Variants in PVR observed in about 807,000 individuals in gnomAD.
PVR encodes poliovirus receptor.
A neutral mutation model predicts 43.3 loss-of-function variants in PVR; 39 were observed. The ratio of observed to expected loss-of-function variants is 0.90; its 90% CI spans 0.70 to 1.18. The LOEUF (loss-of-function observed/expected upper bound fraction) is 1.18. Among genes scored for constraint, PVR ranks in the 50% most tolerant of loss-of-function variants. The pLI is 0.00. For missense variants in PVR, 480 were observed against 549.7 expected (o/e 0.87, Z 1.27); for synonymous variants, 224 against 233.2 (o/e 0.96, Z 0.36).
intron 1 of PVR, among the ~76,000 whole-genome samples, chr19:44,645,118 A>AAT (rs1183770287): frequency 2.4e-5 from 2 of 82,484 alleles, no homozygotes; most frequent in Non-Finnish European, 4.1e-5. Context: ...AGTAATATAT[A>AAT]ATATATTATA....
At chr19:44,653,851 G>C (rs1253956019) in intron 3 of PVR, 49 bp from the exon 4 acceptor site, 1 of 1,307,930 alleles carries the variant, frequency 7.6e-7, no homozygotes. Flanking sequence ...GTAGCCCCAG[G>C]CCCCCCAAAG....
At chr19:44,654,415 C>G (rs1397628614) in intron 4 of PVR, among the ~76,000 whole-genome samples, 1 of 152,230 alleles carries the variant, frequency 6.6e-6, no homozygotes, top group Non-Finnish European at 1.5e-5. Flanking sequence ...ACTTCGGGCC[C>G]CCAGTGGGGG....
chr19:44,645,027 GTAATATA>G (rs1420331936), intron 1 of PVR, among the ~76,000 whole-genome samples: 1 of 101,636 alleles, frequency 9.8e-6, no homozygotes, highest in Non-Finnish European at 1.8e-5. Context: ...ATATATTATA[GTAATATA>G]TAATATATAA....
intron 1 of PVR, 105 bp from the exon 2 acceptor site, chr19:44,647,114 CAGGG>C: frequency 4.2e-6 from 3 of 708,752 alleles, no homozygotes; most frequent in Non-Finnish European, 6.7e-6. Flanking sequence ...ACCGGGGATC[CAGGG>C]CCCCAGCGTG....
chr19:44,647,085 C>CCCCCACA (rs1973139384), intron 1 of PVR, 138 bp from the exon 2 acceptor site: 1 of 394,974 alleles, frequency 2.5e-6, no homozygotes, highest in Admixed American at 4.2e-5. Context: ...GTTCCCCCTC[C>CCCCCACA]CCCCACACCC....
chr19:44,645,415 GTATATATATA>G (rs71171276), intron 1 of PVR, among the ~76,000 whole-genome samples: 44 of 83,814 alleles, frequency 5.2e-4, no homozygotes, highest in African/African-American at 1.6e-3. Context: ...TATGTTTTGT[GTATATATATA>G]TATATATATA....
At chr19:44,651,520 C>T (rs777548742) in intron 3 of PVR, among the ~76,000 whole-genome samples, 2 of 152,172 alleles carry the variant, frequency 1.3e-5, no homozygotes, top group Non-Finnish European at 2.9e-5. Flanking sequence ...ATTGTTTGTG[C>T]TGGCTCCCCT....
At chr19:44,650,630 T>A (rs1007646399) in intron 3 of PVR, among the ~76,000 whole-genome samples, 1 of 150,484 alleles carries the variant, frequency 6.6e-6, no homozygotes, top group Non-Finnish European at 1.5e-5. Context: ...TGGCATGTTC[T>A]CGGCTCACTG....
chr19:44,660,453 T>A (rs1973562961), intron 6 of PVR, among the ~76,000 whole-genome samples: 1 of 152,184 alleles, frequency 6.6e-6, no homozygotes, highest in South Asian at 2.1e-4. Flanking sequence ...GCTATGATTG[T>A]TATTGCTATT....
Position 44,664,054 on chromosome 19 carries a change from A to G in PVR, c.*2243A>G, listed in dbSNP as rs1242561582. The G allele has an allele frequency of 3.9e-5, 6 of 152,164 alleles. No individual in the cohort carries two copies. The highest frequency in any genetic ancestry group is 8.8e-5 in the Non-Finnish European group (6 of 68,034). The allele number at this position is 152,164 out of a possible 1,614,324, so 9.4% of individuals were successfully genotyped here. ...TGCACATGGATATCCAGTTTTACACAACACTGTGAATGTAATGAATGCCAC... is the reference window on the plus strand; with the variant it reads ...TGCACATGGATATCCAGTTTTACACGACACTGTGAATGTAATGAATGCCAC... On this transcript the variant is annotated 3_prime_UTR_variant, in exon 8 of 8. Coordinates refer to ENST00000425690, the MANE Select transcript of PVR (RefSeq NM_006505.5).
chr19:44,657,627 T>C, intron 4 of PVR, 135 bp from the exon 5 acceptor site: 1 of 778,924 alleles, frequency 1.3e-6, no homozygotes, highest in Non-Finnish European at 2.0e-6. Context: ...AAGGGAAGAG[T>C]TGGGGGGCCT....
At chr19:44,658,720 T>C in intron 5 of PVR, 22 bp from the exon 6 acceptor site, 1 of 1,578,090 alleles carries the variant, frequency 6.3e-7, no homozygotes, top group Non-Finnish European at 8.7e-7. Flanking sequence ...CTTACCTAAA[T>C]ACCTGTTTCC....
chr19:44,645,224 T>A (rs1973070447), intron 1 of PVR, among the ~76,000 whole-genome samples: 1 of 89,228 alleles, frequency 1.1e-5, no homozygotes, highest in Non-Finnish European at 2.0e-5. Context: ...TTATATATAT[T>A]ATTATAATAT....
Position 44,647,219 on chromosome 19 carries a change from G to A in PVR, c.80-4G>A. 2 of 1,532,710 alleles carry A rather than the reference G, an allele frequency of 1.3e-6. No individual in the cohort carries two copies. Among genetic ancestry groups the A allele is most frequent in the Non-Finnish European group, 1.8e-6 (2 of 1,135,262 alleles). The allele number at this position is 1,532,710 out of a possible 1,614,324, so 94.9% of individuals were successfully genotyped here. A position where few individuals can be genotyped will look rare whatever the true frequency, so the allele number is the denominator to read the frequency against. The stretch of plus-strand genomic sequence containing the variant: ...TCTGACACCTTCTCTTCGGTTCTCC[G>A]CAGGGGACGTCGTCGTGCAGGCGCC... On this transcript the variant is annotated splice_polypyrimidine_tract_variant and splice_region_variant and intron_variant, in intron 1 of 7. Transcript: ENST00000425690.
At chr19:44,657,398 A>G (rs1251180909) in intron 4 of PVR, among the ~76,000 whole-genome samples, 2 of 152,090 alleles carry the variant, frequency 1.3e-5, no homozygotes, top group African/African-American at 4.8e-5. Context: ...ATGGGAACTG[A>G]CTTAGGGTTC....
intron 2 of PVR, among the ~76,000 whole-genome samples, chr19:44,649,305 T>G (rs1222696507): frequency 1.3e-5 from 2 of 152,138 alleles, no homozygotes; most frequent in African/African-American, 4.8e-5. Context: ...CTGCATATTC[T>G]CATTGCCTGT....
intron 2 of PVR, 135 bp from the exon 3 acceptor site, chr19:44,649,674 G>GC (rs1568500053): frequency 3.4e-6 from 3 of 891,134 alleles, no homozygotes; most frequent in Middle Eastern, 7.1e-4. Context: ...ACCCACCTCA[G>GC]CCCCCCAAAG....
In PVR at chr19:44,644,041, G is replaced by A; in HGVS notation, c.-56G>A. The A allele has an allele frequency of 6.9e-7, 1 of 1,439,868 alleles. No homozygotes were observed. The highest frequency in any genetic ancestry group is 1.5e-5 in the African/African-American group (1 of 67,998). 89.2% of individuals were successfully genotyped at this position (1,439,868 alleles called of 1,614,324 possible). On this transcript the variant is annotated 5_prime_UTR_variant, in exon 1 of 8. Coordinates refer to ENST00000425690, the MANE Select transcript of PVR (RefSeq NM_006505.5). ...CGCAGCGACCGCGGCAGAGCGAGCG[G>A]GCGCCGGGAAGCGAGGAGACGCCCG...
At chr19:44,653,344 G>A (rs1973333937) in intron 3 of PVR, among the ~76,000 whole-genome samples, 1 of 151,992 alleles carries the variant, frequency 6.6e-6, no homozygotes, top group African/African-American at 2.4e-5. Flanking sequence ...CTCAGGTACT[G>A]TCTATACTGG....
Sources: allele counts gnomAD v4.1 joint callset (sites outside exome capture counted in the v4.1 genomes callset), GRCh38; gene constraint gnomAD v4.1.1; transcripts MANE v1.5; gene names NCBI Gene and HGNC (gene_info 2026-07-23, HGNC 2026-07-21).